The following PPARGC1A variants were observed in gnomAD, a reference collection of about 807,000 sequenced individuals.
PPARGC1A encodes the protein peroxisome proliferator-activated receptor gamma coactivator 1-alpha.
A neutral mutation model predicts 88.7 loss-of-function variants in PPARGC1A; 25 were observed. That is an observed-to-expected ratio of 0.28 (90% CI 0.21 to 0.39). The LOEUF is 0.39. Ranked by LOEUF, PPARGC1A falls within the 10% of genes least tolerant of loss-of-function variation. The pLI, the probability that PPARGC1A is intolerant of heterozygous loss-of-function variation, is 1.00. For synonymous variants in PPARGC1A, 363 were observed against 355.6 expected, an observed-to-expected ratio of 1.02 and a Z score of -0.24; for missense variants, 880 against 968.7, an observed-to-expected ratio of 0.91 and a Z score of 1.22.
chr4:24,334,223 A>G, the PPARGC1A span, among the ~76,000 whole-genome samples: 1 of 152,164 alleles, frequency 6.6e-6, no homozygotes, highest in East Asian at 1.9e-4. Context: ...CGTGAGAACC[A>G]AGTACCTCGC....
At chr4:24,368,607 G>A in the PPARGC1A span, among the ~76,000 whole-genome samples, 734 of 152,018 alleles carry the variant, frequency 4.8e-3, 10 homozygotes, top group African/African-American at 0.017. Context: ...TTTTAAAATG[G>A]CAATACATTA....
At chr4:24,383,638 T>A in the PPARGC1A span, among the ~76,000 whole-genome samples, 1 of 152,100 alleles carries the variant, frequency 6.6e-6, no homozygotes. Context: ...AGATTGAAGA[T>A]TAACTTAATG....
the PPARGC1A span, among the ~76,000 whole-genome samples, chr4:24,110,845 C>G: frequency 2.0e-5 from 3 of 152,136 alleles, no homozygotes; most frequent in Non-Finnish European, 4.4e-5. Context: ...CTGAAAAAGG[C>G]TCAGAAATGT....
chr4:23,957,465 G>A, the PPARGC1A span, among the ~76,000 whole-genome samples: 4 of 152,076 alleles, frequency 2.6e-5, no homozygotes, highest in Non-Finnish European at 4.4e-5. Context: ...GAATGGATAG[G>A]CAATCGATTT....
At chr4:24,069,082 A>G in the PPARGC1A span, among the ~76,000 whole-genome samples, 4 of 152,208 alleles carry the variant, frequency 2.6e-5, no homozygotes, top group Admixed American at 6.5e-5. Context: ...CATTAACTCA[A>G]TGAAAGTTTT....
At chr4:24,231,249 T>A in the PPARGC1A span, among the ~76,000 whole-genome samples, 25 of 152,306 alleles carry the variant, frequency 1.6e-4, no homozygotes, top group African/African-American at 5.5e-4. Context: ...TGGACTATGC[T>A]GCTAAAATGA....
At chr4:23,999,133 A>G in the PPARGC1A span, among the ~76,000 whole-genome samples, 1 of 152,218 alleles carries the variant, frequency 6.6e-6, no homozygotes, top group South Asian at 2.1e-4. Flanking sequence ...GCAAGTGCAT[A>G]TCTACGAGAA....
the PPARGC1A span, among the ~76,000 whole-genome samples, chr4:23,978,137 T>C: frequency 6.6e-6 from 1 of 152,222 alleles, no homozygotes; most frequent in East Asian, 1.9e-4. Flanking sequence ...GCTCTAGCAT[T>C]ACACTGAACC....
the PPARGC1A span, among the ~76,000 whole-genome samples, chr4:24,240,202 G>A: frequency 6.6e-6 from 1 of 152,154 alleles, no homozygotes; most frequent in East Asian, 1.9e-4. Context: ...ATAGACTTTG[G>A]AAGAACTAGA....
At chr4:23,928,778 A>C in the PPARGC1A span, among the ~76,000 whole-genome samples, 1 of 139,660 alleles carries the variant, frequency 7.2e-6, no homozygotes, top group Non-Finnish European at 1.6e-5. Flanking sequence ...AACAAAAAAA[A>C]ACAACAAAAA....
At chr4:23,901,762 C>T (rs1483174292), upstream of PPARGC1A, among the ~76,000 whole-genome samples, 1 of 152,142 alleles carries the variant, frequency 6.6e-6, no homozygotes, top group Non-Finnish European at 1.5e-5. Context: ...CACCAGTGGG[C>T]TATCAACTAA....
At chr4:24,183,903 G>A in the PPARGC1A span, among the ~76,000 whole-genome samples, 153 of 152,298 alleles carry the variant, frequency 1.0e-3, no homozygotes, top group African/African-American at 3.4e-3. Flanking sequence ...CTTGCAGTAC[G>A]TAGAAAACTT....
upstream of PPARGC1A, among the ~76,000 whole-genome samples, chr4:23,903,270 T>C (rs1719630978): frequency 6.6e-6 from 1 of 152,194 alleles, no homozygotes; most frequent in African/African-American, 2.4e-5. Flanking sequence ...AGAACCCGGG[T>C]TCTTATCCCT....
At chr4:23,937,610 G>A in the PPARGC1A span, among the ~76,000 whole-genome samples, 1 of 151,860 alleles carries the variant, frequency 6.6e-6, no homozygotes, top group Non-Finnish European at 1.5e-5. Context: ...ATTAAAATAA[G>A]CAAAATTTCT....
chr4:24,030,016 T>G, the PPARGC1A span, among the ~76,000 whole-genome samples: 1 of 152,308 alleles, frequency 6.6e-6, no homozygotes, highest in East Asian at 1.9e-4. Flanking sequence ...TCAGCCCCCA[T>G]GCAGACAGAG....
chr4:24,331,121 C>A, the PPARGC1A span, among the ~76,000 whole-genome samples: 1 of 152,170 alleles, frequency 6.6e-6, no homozygotes, highest in African/African-American at 2.4e-5. Context: ...AAGACTAAAT[C>A]TCCTATTTTG....
chr4:23,820,426 G>C (rs567845253), intron 7 of PPARGC1A: 2 of 213,614 alleles, frequency 9.4e-6, no homozygotes, highest in East Asian at 1.3e-4. Flanking sequence ...GGGTCACTTT[G>C]GTCCCTACCC....
the PPARGC1A span, among the ~76,000 whole-genome samples, chr4:24,166,140 T>C: frequency 6.6e-6 from 1 of 152,224 alleles, no homozygotes; most frequent in African/African-American, 2.4e-5. Context: ...GTGGCCTAGA[T>C]AAAAGATTAA....
chr4:23,839,681 G>A (rs1048619207), intron 2 of PPARGC1A, among the ~76,000 whole-genome samples: 1 of 152,130 alleles, frequency 6.6e-6, no homozygotes, highest in African/African-American at 2.4e-5. Flanking sequence ...CTGAGACTGG[G>A]CAATTTACAA....
Sources: allele counts gnomAD v4.1 joint callset (sites outside exome capture counted in the v4.1 genomes callset), GRCh38; gene constraint gnomAD v4.1.1; transcripts MANE v1.5; gene names NCBI Gene and HGNC (gene_info 2026-07-23, HGNC 2026-07-21).